Variants in CEP120 observed in about 807,000 individuals in gnomAD.
CEP120 encodes centrosomal protein of 120 kDa.
In CEP120, 113 loss-of-function variants were observed where a neutral mutation model predicts 126.5. The ratio of observed to expected loss-of-function variants is 0.89; its 90% CI spans 0.77 to 1.04. The LOEUF (loss-of-function observed/expected upper bound fraction) is 1.04. CEP120 is among the 50% of genes least tolerant of loss of function. The pLI is 0.00. For synonymous variants in CEP120, 400 were observed against 394.3 expected, an observed-to-expected ratio of 1.01 and a Z score of -0.17; for missense variants, 1,230 against 1,155.7, an observed-to-expected ratio of 1.06 and a Z score of -0.93.
At chr5:123,391,021 T>G (rs1772357004) in intron 7 of CEP120, 89 bp downstream of exon 7, 1 of 860,744 alleles carries the variant, frequency 1.2e-6, no homozygotes, top group Admixed American at 2.8e-5. Flanking sequence ...TATATCCTTA[T>G]GAAGGTAACT....
intron 4 of CEP120, among the ~76,000 whole-genome samples, chr5:123,408,888 A>G (rs892958217): frequency 6.6e-6 from 1 of 152,230 alleles, no homozygotes; most frequent in African/African-American, 2.4e-5. Context: ...ACAAAATATT[A>G]GCAAATCAAA....
In CEP120 at chr5:123,418,485, A is replaced by T; in HGVS notation, c.80T>A (p.Met27Lys). ...GRHFPKRPKH[M>K]LVVEAKFDGE... is the part of the protein sequence containing the mutation. Reference sequence around the variant, plus strand: ...ATCAAACTTTGCTTCCACTACAAGCATATGCTTTGGACGTTTGGGGAAATG... The same window carrying T: ...ATCAAACTTTGCTTCCACTACAAGCTTATGCTTTGGACGTTTGGGGAAATG... Residue 27 changes from methionine to lysine, a missense_variant, in exon 2 of 20, where the codon ATG becomes AAG. Coordinates refer to ENST00000306467, the MANE Select transcript of CEP120 (RefSeq NM_001375405.1). The T allele has an allele frequency of 2.5e-6, 4 of 1,611,524 alleles. No homozygotes were observed. Among genetic ancestry groups the T allele is most frequent in the Non-Finnish European group, 3.4e-6 (4 of 1,178,156 alleles).
At chr5:123,382,229 A>G in intron 13 of CEP120, 29 bp from the exon 14 acceptor site, 1 of 1,404,024 alleles carries the variant, frequency 7.1e-7, no homozygotes, top group Non-Finnish European at 1.0e-6. Context: ...TAAAGTCGCC[A>G]AAAAACCCCA....
intron 17 of CEP120, among the ~76,000 whole-genome samples, chr5:123,365,230 TAAAGA>T (rs1469431705): frequency 4.2e-5 from 3 of 72,198 alleles, no homozygotes; most frequent in Non-Finnish European, 6.0e-5. Context: ...CTCAAATATA[TAAAGA>T]AAACACTAAA....
intron 5 of CEP120, among the ~76,000 whole-genome samples, chr5:123,395,970 C>T (rs1772761284): frequency 6.7e-6 from 1 of 150,288 alleles, no homozygotes; most frequent in Admixed American, 6.6e-5. Context: ...ATGTGAGCCA[C>T]TGAGCCTGGT....
rs935584951 is a variant in CEP120, at chr5:123,416,065, T to C, written c.266A>G (p.Lys89Arg). Residue 89 changes from lysine to arginine, a missense_variant, in exon 3 of 20, where the codon AAG (lysine) becomes AGG (arginine). Physicochemically the swap from Lys to Arg is conservative, Grantham distance 26 (BLOSUM62 2). Coordinates refer to ENST00000306467, the MANE Select transcript of CEP120 (RefSeq NM_001375405.1). Reference protein sequence around the residue: ...CFALDPVTSAKETIGYIVLDL... With the variant: ...CFALDPVTSARETIGYIVLDL... ...CAGAACGATGTAACCTATGGTTTCC[T>C]TGGCTGAAGTTACAGGATCCAAGGC... is the stretch of plus-strand genomic sequence containing the variant. 7.4e-6 allele frequency: 12 copies of C among 1,614,168 alleles called. No homozygotes were observed. The Admixed American group carries it at 8.3e-5, about 11-fold the overall frequency.
intron 5 of CEP120, among the ~76,000 whole-genome samples, chr5:123,395,848 AT>A (rs1168021806): frequency 6.6e-6 from 1 of 151,028 alleles, no homozygotes; most frequent in African/African-American, 2.4e-5. Flanking sequence ...CACCCAGCTA[AT>A]TTTTTTGTAT....
intron 14 of CEP120, 115 bp downstream of exon 14, chr5:123,381,996 C>T: frequency 1.5e-6 from 1 of 667,404 alleles, no homozygotes; most frequent in Non-Finnish European, 2.5e-6. Flanking sequence ...TTCTTCCATG[C>T]CAACATATCA....
intron 18 of CEP120, among the ~76,000 whole-genome samples, chr5:123,352,685 C>T (rs996011842): frequency 2.0e-5 from 3 of 151,944 alleles, no homozygotes; most frequent in Non-Finnish European, 2.9e-5. Context: ...TACATTTTCA[C>T]ATAAATTTCC....
rs753544415 is a variant in CEP120, at chr5:123,383,003, T to G, written c.1843A>C (p.Ile615Leu). The G allele has an allele frequency of 8.1e-6, 13 of 1,600,490 alleles. No individual in the cohort carries two copies. Among genetic ancestry groups the G allele is most frequent in the Non-Finnish European group, 1.1e-5 (13 of 1,170,032 alleles). Residue 615 changes from isoleucine (I) to leucine (L), a missense_variant, in exon 12 of 20, where the codon ATC becomes CTC. Coordinates refer to ENST00000306467, the MANE Select transcript of CEP120 (RefSeq NM_001375405.1). Reference protein sequence around the residue: ...YGLVKMREIFISDSSQGVSAV... With the variant: ...YGLVKMREIFLSDSSQGVSAV... Reference sequence around the variant, plus strand: ...ATATTTACCTGAGATGAATCAGAGATAAAAATCTCACGCATTTTTACTAGT... The same window carrying G: ...ATATTTACCTGAGATGAATCAGAGAGAAAAATCTCACGCATTTTTACTAGT...
At chr5:123,416,738 T>C (rs1774418269) in intron 2 of CEP120, among the ~76,000 whole-genome samples, 7 of 152,164 alleles carry the variant, frequency 4.6e-5, no homozygotes, top group Admixed American at 4.6e-4. Context: ...GCTTCTGTAA[T>C]GTGTAAAACT....
intron 18 of CEP120, chr5:123,358,375 A>G (rs1769806744): frequency 6.6e-6 from 1 of 152,098 alleles, no homozygotes; most frequent in African/African-American, 2.4e-5. Context: ...TTTGAAATGT[A>G]TATTTCATTT....
Position 123,349,938 on chromosome 5 carries a change from T to C in CEP120, c.2726+6A>G, listed in dbSNP as rs760380068. 1.9e-6 allele frequency: 3 copies of C among 1,611,942 alleles called. No individual in the cohort carries two copies. The highest frequency in any genetic ancestry group is 2.2e-5 in the South Asian group (2 of 90,434). ...CTTTTGAAAGAAACACTTTTAGTTA[T>C]TATACCTGTTCAATTCATTTCTTAT... On this transcript the variant is annotated splice_donor_region_variant and intron_variant, in intron 19 of 19. Coordinates refer to ENST00000306467, the MANE Select transcript of CEP120 (RefSeq NM_001375405.1).
intron 7 of CEP120, chr5:123,390,400 T>A: frequency 1.8e-6 from 1 of 542,468 alleles, no homozygotes; most frequent in South Asian, 1.5e-5. Flanking sequence ...AGAAAAGAAG[T>A]CAGGCATAGG....
chr5:123,411,472 A>C (rs916957691), intron 4 of CEP120, among the ~76,000 whole-genome samples: 3 of 152,234 alleles, frequency 2.0e-5, no homozygotes, highest in Non-Finnish European at 1.5e-5. Flanking sequence ...GAAAAAATAA[A>C]CTGTGATACA....
intron 9 of CEP120, 142 bp downstream of exon 9, chr5:123,388,290 G>A (rs1772157662): frequency 2.1e-6 from 1 of 470,386 alleles, no homozygotes; most frequent in Admixed American, 4.0e-5. Context: ...AAAATCATTA[G>A]GATATAGCCT....
At chr5:123,394,413 A>G (rs1772623153) in intron 5 of CEP120, among the ~76,000 whole-genome samples, 1 of 152,148 alleles carries the variant, frequency 6.6e-6, no homozygotes, top group South Asian at 2.1e-4. Context: ...GATCCCTTAC[A>G]TGTGTAGTTG....
chr5:123,412,505 G>T lies in CEP120; in HGVS notation c.357C>A (p.Tyr119Ter). 1 of 1,610,270 alleles carries T rather than the reference G, an allele frequency of 6.2e-7. No homozygotes were observed. The highest frequency in any genetic ancestry group is 8.5e-7 in the Non-Finnish European group (1 of 1,178,176). The change falls in exon 4 of 20, where the codon TAC becomes TAA. Residue 119 changes from tyrosine to a stop codon, truncating the protein, a stop_gained. Transcript: ENST00000306467. LOFTEE classifies it high-confidence loss of function. ...PKWYQLLSNK[Y>*]TKFKSEIQIS... Reference sequence around the variant, plus strand: ...TCTGTATCTCAGACTTGAATTTGGTGTATTTATTACTCAGCAACTGGTACC... The same window carrying T: ...TCTGTATCTCAGACTTGAATTTGGTTTATTTATTACTCAGCAACTGGTACC...
rs765710211 is a variant in CEP120 at position 123,378,317 on chromosome 5, C to T, written c.2196+19G>A. ...AACCCCTCTATGCTGAAAAAAAATACAATGGACGAATGACATACCTCTGAT... is the reference window on the plus strand; with the variant it reads ...AACCCCTCTATGCTGAAAAAAAATATAATGGACGAATGACATACCTCTGAT... On this transcript the variant is annotated intron_variant, in intron 15 of 19. Transcript: ENST00000306467. 1 of 1,563,438 alleles carries T rather than the reference C, an allele frequency of 6.4e-7. No individual in the cohort carries two copies. Among genetic ancestry groups the T allele is most frequent in the Non-Finnish European group, 8.7e-7 (1 of 1,153,362 alleles).
Sources: gnomAD v4.1 joint callset for allele counts (sites outside exome capture counted in the v4.1 genomes callset) on GRCh38, gnomAD v4.1.1 for gene constraint, MANE v1.5 for transcripts, NCBI Gene and HGNC (gene_info 2026-07-23, HGNC 2026-07-21) for gene names.